PEAK1: variants seen among roughly 807,000 people sequenced by gnomAD.
PEAK1 encodes the protein pseudopodium enriched atypical kinase 1.
In PEAK1, 54 loss-of-function variants were observed where a neutral mutation model predicts 124.7. The observed-to-expected ratio is 0.43, with a 90% confidence interval of 0.35 to 0.54. The LOEUF (loss-of-function observed/expected upper bound fraction) is 0.54, where lower values mean the gene tolerates loss of function less well. Among genes scored for constraint, PEAK1 ranks in the 20% least tolerant of loss-of-function variants. PEAK1 has a pLI of 0.01. For synonymous variants in PEAK1, 719 were observed against 760.0 expected, an observed-to-expected ratio of 0.95 and a Z score of 0.89; for missense variants, 2,046 against 2,134.5, an observed-to-expected ratio of 0.96 and a Z score of 0.82.
chr15:77,159,430 C>T (rs1295673584), intron 7 of PEAK1, among the ~76,000 whole-genome samples: 1 of 152,180 alleles, frequency 6.6e-6, no homozygotes, highest in Non-Finnish European at 1.5e-5. Context: ...ATGCTTATAG[C>T]TACTTCTTCC....
intron 8 of PEAK1, chr15:77,156,727 AATAT>A (rs1454503561): frequency 1.3e-5 from 2 of 152,230 alleles, no homozygotes; most frequent in East Asian, 3.8e-4. Context: ...GTAAAAATTA[AATAT>A]TTTACTGAGG....
chr15:77,344,258 C>A (rs1032098596), intron 2 of PEAK1, among the ~76,000 whole-genome samples: 1 of 152,116 alleles, frequency 6.6e-6, no homozygotes, highest in South Asian at 2.1e-4. Flanking sequence ...CCACGCCCGG[C>A]TAATTTTTTG....
At chr15:77,176,963 A>C (rs551658799) in intron 7 of PEAK1, among the ~76,000 whole-genome samples, 2 of 151,642 alleles carry the variant, frequency 1.3e-5, no homozygotes, top group African/African-American at 4.8e-5. Context: ...CCTGAAATAC[A>C]TGTTTTTTTT....
In PEAK1 at chr15:77,286,522, G is replaced by C; in HGVS notation, c.-602-18C>G. On this transcript the variant is annotated intron_variant, in intron 2 of 9. Coordinates refer to ENST00000682557, the MANE Select transcript of PEAK1 (RefSeq NM_001385026.1). ...TTCTTTTCCTATTAGAAGATGCAAA[G>C]TGGGGAAGATATATTAATAAAGGGC... 8.5e-7 allele frequency: 1 copy of C among 1,178,568 alleles called. No individual in the cohort carries two copies. The highest frequency in any genetic ancestry group is 1.1e-6 in the Non-Finnish European group (1 of 939,782). 73.0% of individuals were successfully genotyped at this position (1,178,568 alleles called of 1,614,324 possible). A position where few individuals can be genotyped will look rare whatever the true frequency, so the allele number is the denominator to read the frequency against.
At chr15:77,376,058 T>TAA (rs2069002038) in intron 1 of PEAK1, among the ~76,000 whole-genome samples, 1 of 150,690 alleles carries the variant, frequency 6.6e-6, no homozygotes, top group South Asian at 2.1e-4. Flanking sequence ...ATAATAAAAA[T>TAA]AAATGAGTTT....
chr15:77,282,366 A>G (rs934094713), intron 5 of PEAK1, among the ~76,000 whole-genome samples: 1 of 152,220 alleles, frequency 6.6e-6, no homozygotes, highest in Non-Finnish European at 1.5e-5. Flanking sequence ...AAAAACACTT[A>G]ATTTAATGCT....
Position 77,111,236 on chromosome 15 carries a change from T to C in PEAK1, c.*2920A>G, listed in dbSNP as rs2050958254. 6.6e-6 allele frequency: 1 copy of C among 152,222 alleles called. No individual in the cohort carries two copies. The highest frequency in any genetic ancestry group is 2.4e-5 in the African/African-American group (1 of 41,462). The allele number at this position is 152,222 out of a possible 1,614,324, so 9.4% of individuals were successfully genotyped here. A position where few individuals can be genotyped will look rare whatever the true frequency, so the allele number is the denominator to read the frequency against. ...TAGTCACAATTCAAACACATAGATATATAAATGTGTGTGTATGTGTCTACA... is the reference window on the plus strand; with the variant it reads ...TAGTCACAATTCAAACACATAGATACATAAATGTGTGTGTATGTGTCTACA... On this transcript the variant is annotated 3_prime_UTR_variant, in exon 10 of 10. Transcript: ENST00000682557.
At chr15:77,311,415 C>A (rs2064433884) in intron 2 of PEAK1, among the ~76,000 whole-genome samples, 1 of 152,150 alleles carries the variant, frequency 6.6e-6, no homozygotes, top group Non-Finnish European at 1.5e-5. Flanking sequence ...GTGGCTCACG[C>A]CTGTAATCCC....
chr15:77,314,057 GGTCT>G (rs2064711272), intron 2 of PEAK1, among the ~76,000 whole-genome samples: 1 of 151,854 alleles, frequency 6.6e-6, no homozygotes, highest in Non-Finnish European at 1.5e-5. Context: ...TTATTTCTGT[GGTCT>G]TCCTTTCAAA....
intron 2 of PEAK1, chr15:77,336,594 T>C (rs774542912): frequency 5.9e-5 from 57 of 971,390 alleles, no homozygotes; most frequent in Non-Finnish European, 7.0e-5. Flanking sequence ...TATCTAGTCA[T>C]CCTACAGAGC....
intron 7 of PEAK1, among the ~76,000 whole-genome samples, chr15:77,176,531 T>G (rs1464858374): frequency 2.0e-5 from 3 of 152,180 alleles, no homozygotes; most frequent in Non-Finnish European, 4.4e-5. Flanking sequence ...ATCAGCAATC[T>G]GTGTCTTAAC....
At chr15:77,413,426 A>G (rs552026106) in intron 1 of PEAK1, among the ~76,000 whole-genome samples, 1 of 152,318 alleles carries the variant, frequency 6.6e-6, no homozygotes, top group Admixed American at 6.5e-5. Flanking sequence ...AAATTATTTG[A>G]TATCATGCAC....
intron 1 of PEAK1, among the ~76,000 whole-genome samples, chr15:77,394,369 G>A (rs1036253419): frequency 6.6e-6 from 1 of 152,240 alleles, no homozygotes; most frequent in Non-Finnish European, 1.5e-5. Flanking sequence ...CACAGTCCCA[G>A]TAATGGTGGC....
At chr15:77,327,481 T>C (rs947641347) in intron 2 of PEAK1, among the ~76,000 whole-genome samples, 2 of 152,084 alleles carry the variant, frequency 1.3e-5, no homozygotes, top group Non-Finnish European at 2.9e-5. Flanking sequence ...TCATATTTCA[T>C]GTAAATAACA....
chr15:77,378,402 C>T (rs1477162441), intron 1 of PEAK1, among the ~76,000 whole-genome samples: 1 of 151,978 alleles, frequency 6.6e-6, no homozygotes, highest in Non-Finnish European at 1.5e-5. Flanking sequence ...GTCAAAAATT[C>T]GTGCTTCTTA....
intron 1 of PEAK1, among the ~76,000 whole-genome samples, chr15:77,396,947 C>A (rs1486526350): frequency 6.6e-6 from 1 of 152,192 alleles, no homozygotes; most frequent in East Asian, 1.9e-4. Context: ...AATCTCACTT[C>A]TGTAACAAAT....
chr15:77,333,555 T>C (rs894250839), intron 2 of PEAK1: 6 of 888,186 alleles, frequency 6.8e-6, no homozygotes, highest in African/African-American at 3.6e-5. Context: ...ACACATTTCC[T>C]TATGTTTTTA....
chr15:77,369,596 A>C (rs2068505154), intron 1 of PEAK1, among the ~76,000 whole-genome samples: 1 of 152,232 alleles, frequency 6.6e-6, no homozygotes, highest in Non-Finnish European at 1.5e-5. Flanking sequence ...AAACAAGAAT[A>C]TGCAACAGAG....
At chr15:77,378,475 T>C (rs936403616) in intron 1 of PEAK1, among the ~76,000 whole-genome samples, 3 of 152,138 alleles carry the variant, frequency 2.0e-5, no homozygotes, top group Non-Finnish European at 4.4e-5. Flanking sequence ...ATTATTTACA[T>C]ATTACAAATT....
Sources: allele counts gnomAD v4.1 joint callset (sites outside exome capture counted in the v4.1 genomes callset), GRCh38; gene constraint gnomAD v4.1.1; transcripts MANE v1.5; gene names NCBI Gene and HGNC (gene_info 2026-07-23, HGNC 2026-07-21).